CEP295: variants seen among roughly 807,000 people sequenced by gnomAD.
The protein encoded by CEP295 is centrosomal protein 295.
A neutral mutation model predicts 291.6 loss-of-function variants in CEP295; 190 were observed. The observed-to-expected ratio is 0.65, with a 90% CI of 0.58 to 0.73. The LOEUF (loss-of-function observed/expected upper bound fraction) is 0.73, where lower values mean the gene tolerates loss of function less well. CEP295 is among the 30% of genes least tolerant of loss of function. The pLI, the probability that CEP295 is intolerant of heterozygous loss-of-function variation, is 0.00. For missense variants in CEP295, 2,863 were observed against 2,949.4 expected (o/e 0.97, Z 0.68); for synonymous variants, 993 against 1,038.8 (o/e 0.96, Z 0.85).
At chr11:93,670,845 T>G (rs1036602232) in intron 5 of CEP295, among the ~76,000 whole-genome samples, 1 of 152,136 alleles carries the variant, frequency 6.6e-6, no homozygotes, top group African/African-American at 2.4e-5. Context: ...CTGTAAGTGC[T>G]TTGACAAGCA....
intron 24 of CEP295, chr11:93,728,111 A>C (rs951498058): frequency 1.3e-5 from 2 of 155,954 alleles, no homozygotes; most frequent in African/African-American, 4.8e-5. Flanking sequence ...ATATTAAGCA[A>C]CTTATAATCT....
In CEP295 at chr11:93,696,699, T is replaced by G. The variant is rs553528671; in HGVS notation, c.1787T>G (p.Val596Gly). 4 of 1,548,524 alleles carry G rather than the reference T, an allele frequency of 2.6e-6. No individual in the cohort carries two copies. The highest frequency in any genetic ancestry group is 2.7e-5 in the African/African-American group (2 of 72,954). ...TTTGGTAGGTTACACAGGCAGTCTG[T>G]TGAAACAGCCAGGAAACAATTACTT... ...LQQNRLHRQS[V>G]ETARKQLLEY... The change falls in exon 15 of 30, where the codon GTT becomes GGT. Residue 596 changes from valine (V) to glycine (G), a missense_variant. Coordinates refer to ENST00000325212, the MANE Select transcript of CEP295 (RefSeq NM_033395.2).
intron 22 of CEP295, 54 bp downstream of exon 22, chr11:93,724,429 C>G (rs1203785732): frequency 6.7e-7 from 1 of 1,501,442 alleles, no homozygotes; most frequent in Non-Finnish European, 9.0e-7. Context: ...AGTTTTAAGC[C>G]ATTTCTTCTA....
At chr11:93,711,562 G>A (rs1455899761) in intron 18 of CEP295, among the ~76,000 whole-genome samples, 3 of 152,096 alleles carry the variant, frequency 2.0e-5, no homozygotes, top group Non-Finnish European at 4.4e-5. Flanking sequence ...GAGTGCAGTG[G>A]CACGATCTTG....
chr11:93,671,981 T>C (rs1950472318), intron 5 of CEP295, among the ~76,000 whole-genome samples: 1 of 152,226 alleles, frequency 6.6e-6, no homozygotes, highest in Non-Finnish European at 1.5e-5. Flanking sequence ...TGATACTTCT[T>C]GTGTACCTAA....
At chr11:93,710,227 T>G (rs1456434381) in intron 18 of CEP295, among the ~76,000 whole-genome samples, 1 of 152,200 alleles carries the variant, frequency 6.6e-6, no homozygotes, top group Non-Finnish European at 1.5e-5. Flanking sequence ...GAGGAAAGGC[T>G]TTCAGGTTTT....
chr11:93,706,530 G>A (rs1369845401), intron 17 of CEP295, among the ~76,000 whole-genome samples: 1 of 152,126 alleles, frequency 6.6e-6, no homozygotes, highest in Non-Finnish European at 1.5e-5. Context: ...TCAATACTGA[G>A]GCATAATCTG....
At chr11:93,727,941 A>G (rs1937615815) in intron 24 of CEP295, 1 of 218,130 alleles carries the variant, frequency 4.6e-6, no homozygotes, top group Non-Finnish European at 9.0e-6. Context: ...TTCTGAGAGT[A>G]TTTTACAAAA....
intron 5 of CEP295, among the ~76,000 whole-genome samples, chr11:93,674,228 G>T (rs1264579711): frequency 1.3e-5 from 2 of 152,178 alleles, no homozygotes; most frequent in Admixed American, 6.5e-5. Flanking sequence ...CTCCCAAAGT[G>T]CTGAGATTAC....
Position 93,668,875 on chromosome 11 carries a change from AAG to A in CEP295, c.379_380del (p.Glu127SerfsTer49). ...AAAAGAAAAGCAGATTTGAGGCATA[AAG>A]AAGCCTTGAAAGTACAGAAAAATCA... On this transcript the variant is annotated frameshift_variant, in exon 4 of 30. Transcript: ENST00000325212. LOFTEE classifies it high-confidence loss of function. 2 of 1,456,102 alleles carry A rather than the reference AAG, an allele frequency of 1.4e-6. No homozygotes were observed. Among genetic ancestry groups the A allele is most frequent in the Non-Finnish European group, 1.9e-6 (2 of 1,069,124 alleles). The allele number at this position is 1,456,102 out of a possible 1,614,324, so 90.2% of individuals were successfully genotyped here.
intron 20 of CEP295, 163 bp from the exon 21 acceptor site, chr11:93,722,878 T>G: frequency 1.9e-6 from 1 of 533,222 alleles, no homozygotes. Context: ...GCCCAGCTGA[T>G]TTTTGTATTT....
At chr11:93,679,134 C>T (rs1014488688) in intron 6 of CEP295, among the ~76,000 whole-genome samples, 2 of 152,278 alleles carry the variant, frequency 1.3e-5, no homozygotes, top group South Asian at 4.1e-4. Flanking sequence ...TGCGCCACCA[C>T]GCCCAGCAAG....
intron 17 of CEP295, among the ~76,000 whole-genome samples, chr11:93,704,483 G>C (rs1189981716): frequency 1.3e-5 from 2 of 152,108 alleles, no homozygotes; most frequent in African/African-American, 4.8e-5. Flanking sequence ...GGGAGGCTGA[G>C]GTAGGAGGCT....
chr11:93,684,040 G>A lies in CEP295; in HGVS notation c.1026G>A (p.Glu342=), dbSNP rs1174905019. 2.6e-6 allele frequency: 4 copies of A among 1,551,694 alleles called. No homozygotes were observed. The African/African-American group carries it at 4.1e-5, about 16-fold the overall frequency. ...PTVTNQIQDE[E]LDLSMEQENL... is the part of the protein sequence containing the mutation. ...TGACTAATCAGATCCAAGATGAAGA[G>A]CTGGACCTTTCAATGGAACAAGAAA... Residue 342 remains glutamate (E), a synonymous_variant, in exon 9 of 30, where the codon GAG becomes GAA. Coordinates refer to ENST00000325212, the MANE Select transcript of CEP295 (RefSeq NM_033395.2).
At position 93,668,892 on chromosome 11, in the gene CEP295, C is replaced by A; in HGVS notation, c.394C>A (p.Gln132Lys). 1 of 1,348,364 alleles carries A rather than the reference C, an allele frequency of 7.4e-7. No homozygotes were observed. The highest frequency in any genetic ancestry group is 1.0e-6 in the Non-Finnish European group (1 of 978,724). 83.5% of individuals were successfully genotyped at this position (1,348,364 alleles called of 1,614,324 possible). Residue 132 changes from glutamine (Q) to lysine (K), a missense_variant, in exon 4 of 30, where the codon CAG (glutamine) becomes AAG (lysine). Around this residue, in one of 3 missense-constraint regions of CEP295, gnomAD observed 554 missense variants for 576.0 expected, o/e 0.96. Coordinates refer to ENST00000325212, the MANE Select transcript of CEP295 (RefSeq NM_033395.2). ...DLRHKEALKV[Q>K]KNQKEILLKQ... ...GAGGCATAAAGAAGCCTTGAAAGTACAGAAAAATCAAAAAGAAATATTACT... is the reference window on the plus strand; with the variant it reads ...GAGGCATAAAGAAGCCTTGAAAGTAAAGAAAAATCAAAAAGAAATATTACT...
chr11:93,675,672 T>C lies in CEP295; in HGVS notation c.624+6T>C, dbSNP rs376547427. The C allele has an allele frequency of 8.3e-6, 11 of 1,325,858 alleles. No homozygotes were observed. The African/African-American group carries it at 1.5e-4, about 18-fold the overall frequency. 82.1% of individuals were successfully genotyped at this position (1,325,858 alleles called of 1,614,324 possible). On this transcript the variant is annotated splice_donor_region_variant and intron_variant, in intron 6 of 29. Transcript: ENST00000325212. ...GAGAGACAGACACAAAACGGGTGAT[T>C]GACTTATTGTTTCTTCATGCCCTCG...
intron 6 of CEP295, among the ~76,000 whole-genome samples, chr11:93,677,071 T>C (rs1430587520): frequency 6.6e-6 from 1 of 152,128 alleles, no homozygotes; most frequent in African/African-American, 2.4e-5. Context: ...TTTTATTTGC[T>C]GCTTTACTGT....
In CEP295 at chr11:93,729,530, G is replaced by A. The variant is rs543655644; in HGVS notation, c.7399G>A (p.Glu2467Lys). The change falls in exon 26 of 30, where the codon GAA becomes AAA. Residue 2467 changes from glutamate to lysine, a missense_variant and splice_region_variant. By Grantham distance (56) the Glu-to-Lys change is moderately conservative. Coordinates refer to ENST00000325212, the MANE Select transcript of CEP295 (RefSeq NM_033395.2). ...SIEKPRTAST[E>K]TPRRLTPVPG... The stretch of plus-strand genomic sequence containing the variant: ...AGAAAAACCAAGGACAGCATCTACA[G>A]GTAAGCCTTGGACGGCCTCCACACT... The A allele has an allele frequency of 1.3e-6, 2 of 1,551,050 alleles. No homozygotes were observed. The highest frequency in any genetic ancestry group is 1.4e-5 in the African/African-American group (1 of 73,146).
intron 13 of CEP295, 126 bp downstream of exon 13, chr11:93,695,760 C>G: frequency 8.7e-7 from 1 of 1,143,798 alleles, no homozygotes; most frequent in Non-Finnish European, 1.2e-6. Context: ...CCTGTAATCT[C>G]AGCACTTTGG....
Sources: gnomAD v4.1 joint callset for allele counts (sites outside exome capture counted in the v4.1 genomes callset) on GRCh38, gnomAD v4.1.1 for gene constraint, gnomAD v4.1.1 regional missense constraint, MANE v1.5 for transcripts, NCBI Gene and HGNC (gene_info 2026-07-23, HGNC 2026-07-21) for gene names.